Variants in CCDC91 observed in about 807,000 individuals in gnomAD.
CCDC91 encodes the protein coiled-coil domain containing 91.
CCDC91 carries 48 observed loss-of-function variants against 63.2 expected under a neutral mutation model. That is an observed-to-expected ratio of 0.76 (90% CI 0.60 to 0.97). The LOEUF (loss-of-function observed/expected upper bound fraction) is 0.97. Among genes scored for constraint, CCDC91 ranks in the 50% least tolerant of loss-of-function variants. CCDC91 has a pLI of 0.00. For missense variants in CCDC91, 500 were observed against 494.6 expected, an observed-to-expected ratio of 1.01 and a Z score of -0.10; for synonymous variants, 167 against 165.8, an observed-to-expected ratio of 1.01 and a Z score of -0.06.
chr12:28,241,422 C>T (rs1945326643), intron 1 of CCDC91, among the ~76,000 whole-genome samples: 1 of 152,074 alleles, frequency 6.6e-6, no homozygotes, highest in East Asian at 1.9e-4. Context: ...GGTTTTCTGC[C>T]TTTCCCCCAA....
intron 6 of CCDC91, among the ~76,000 whole-genome samples, chr12:28,311,217 A>T (rs1434601064): frequency 6.6e-6 from 1 of 152,036 alleles, no homozygotes; most frequent in Admixed American, 6.6e-5. Context: ...CACAGGCCTT[A>T]GCAGATACAT....
intron 12 of CCDC91, among the ~76,000 whole-genome samples, chr12:28,510,230 A>G (rs534027935): frequency 1.1e-4 from 11 of 98,718 alleles, no homozygotes; most frequent in Non-Finnish European, 2.6e-4. Flanking sequence ...GACAGAGTCA[A>G]TAGGGCATGT....
intron 12 of CCDC91, among the ~76,000 whole-genome samples, chr12:28,484,869 AT>A (rs1198586384): frequency 6.7e-6 from 1 of 149,980 alleles, no homozygotes; most frequent in Admixed American, 6.7e-5. Context: ...ATATAATAAA[AT>A]TTTTCACATG....
At chr12:28,231,281 T>C (rs1447427720) in intron 1 of CCDC91, among the ~76,000 whole-genome samples, 1 of 152,200 alleles carries the variant, frequency 6.6e-6, no homozygotes, top group Non-Finnish European at 1.5e-5. Flanking sequence ...ATTTTTTAAA[T>C]GGACTTTCCA....
chr12:28,300,217 G>A (rs1937906506), intron 3 of CCDC91, among the ~76,000 whole-genome samples: 1 of 151,322 alleles, frequency 6.6e-6, no homozygotes, highest in Admixed American at 6.6e-5. Flanking sequence ...TTAGATCCCT[G>A]ATCCTCTTTG....
At chr12:28,538,440 C>T (rs1437022959) in intron 12 of CCDC91, among the ~76,000 whole-genome samples, 2 of 151,948 alleles carry the variant, frequency 1.3e-5, no homozygotes, top group African/African-American at 4.8e-5. Flanking sequence ...ATGAACTCAT[C>T]ATTTTTTATG....
intron 6 of CCDC91, among the ~76,000 whole-genome samples, chr12:28,309,562 A>G (rs1939103335): frequency 6.6e-6 from 1 of 151,978 alleles, no homozygotes; most frequent in Non-Finnish European, 1.5e-5. Flanking sequence ...TTTCGTCTCT[A>G]ACCTATTGCT....
intron 6 of CCDC91, among the ~76,000 whole-genome samples, chr12:28,359,434 T>C (rs1460095724): frequency 6.6e-6 from 1 of 152,202 alleles, no homozygotes; most frequent in Non-Finnish European, 1.5e-5. Flanking sequence ...TTAAAGATTG[T>C]CGAATTTTTT....
chr12:28,498,068 C>T (rs952897015), intron 12 of CCDC91, among the ~76,000 whole-genome samples: 2 of 151,578 alleles, frequency 1.3e-5, no homozygotes, highest in East Asian at 1.9e-4. Context: ...GGTTAAGTTA[C>T]TTAAGAATCC....
intron 6 of CCDC91, among the ~76,000 whole-genome samples, chr12:28,340,451 A>C (rs1464450941): frequency 6.6e-6 from 1 of 152,214 alleles, no homozygotes; most frequent in African/African-American, 2.4e-5. Context: ...TGAACTCTCT[A>C]AAAGGGTTGC....
intron 6 of CCDC91, among the ~76,000 whole-genome samples, chr12:28,319,708 T>C (rs1041833149): frequency 2.6e-5 from 4 of 151,576 alleles, no homozygotes; most frequent in African/African-American, 9.7e-5. Flanking sequence ...AATATAATAA[T>C]AAGAGAAAAA....
Position 28,402,520 on chromosome 12 carries a change from ATTTTTTT to A in CCDC91, c.762+11127_762+11133del, listed in dbSNP as rs57398967. ...GCTGAATCACTTATTAGTTCCAGGA[ATTTTTTT>A]TTTTTTTTTTTTTTTTTGTCTACTC... On this transcript the variant is annotated intron_variant, in intron 8 of 12. Transcript: ENST00000536442. 5.3e-3 allele frequency among the ~76,000 whole-genome samples: 276 copies of A among 51,962 alleles called. 1 individual carries two copies. The highest frequency in any genetic ancestry group is 0.02 in the African/African-American group (257 of 12,726). 34.1% of individuals were successfully genotyped at this position (51,962 alleles called of 152,430 possible). A position where few individuals can be genotyped will look rare whatever the true frequency, so the allele number is the denominator to read the frequency against.
chr12:28,548,962 T>G (rs1013106074), intron 12 of CCDC91, 101 bp from the exon 13 acceptor site: 3 of 699,184 alleles, frequency 4.3e-6, no homozygotes, highest in Non-Finnish European at 7.5e-6. Flanking sequence ...TTGTCTCATC[T>G]GGAAAGTTTT....
intron 1 of CCDC91, among the ~76,000 whole-genome samples, chr12:28,214,689 A>G (rs765423805): frequency 2.6e-5 from 4 of 152,274 alleles, no homozygotes; most frequent in Middle Eastern, 3.4e-3. Context: ...GCTTTACATC[A>G]TAGTGTTTAA....
At chr12:28,507,731 C>A (rs146120748) in intron 12 of CCDC91, among the ~76,000 whole-genome samples, 168 of 152,072 alleles carry the variant, frequency 1.1e-3, no homozygotes, top group African/African-American at 3.8e-3. Context: ...GGTACTAGTA[C>A]AGTCTTACCA....
intron 11 of CCDC91, among the ~76,000 whole-genome samples, chr12:28,474,766 T>G (rs1305725561): frequency 7.1e-6 from 1 of 141,594 alleles, no homozygotes; most frequent in South Asian, 2.2e-4. Context: ...TGAGAGAACA[T>G]GAAAAAGAAA....
At chr12:28,424,508 T>A (rs1948196874) in intron 8 of CCDC91, among the ~76,000 whole-genome samples, 1 of 152,200 alleles carries the variant, frequency 6.6e-6, no homozygotes, top group African/African-American at 2.4e-5. Flanking sequence ...TTTGAATAAA[T>A]GATACCTCAT....
chr12:28,436,779 A>G (rs1948931468), intron 8 of CCDC91, among the ~76,000 whole-genome samples: 1 of 151,682 alleles, frequency 6.6e-6, no homozygotes, highest in Non-Finnish European at 1.5e-5. Flanking sequence ...ATTATCTCAT[A>G]CTATGTATCT....
intron 7 of CCDC91, among the ~76,000 whole-genome samples, chr12:28,384,805 A>G (rs1385838276): frequency 6.6e-6 from 1 of 152,100 alleles, no homozygotes; most frequent in Non-Finnish European, 1.5e-5. Context: ...TAAGGCAGGT[A>G]TGTAAAGTTC....
Sources: allele counts gnomAD v4.1 joint callset (sites outside exome capture counted in the v4.1 genomes callset), GRCh38; gene constraint gnomAD v4.1.1; transcripts MANE v1.5; gene names NCBI Gene and HGNC (gene_info 2026-07-23, HGNC 2026-07-21).